FAAH: variants seen among roughly 807,000 people sequenced by gnomAD.
FAAH encodes fatty acid amide hydrolase.
FAAH carries 63 observed loss-of-function variants against 69.7 expected under a neutral mutation model. That is an observed-to-expected ratio of 0.90 (90% CI 0.74 to 1.12). FAAH has a LOEUF of 1.12. Among genes scored for constraint, FAAH ranks in the 50% most tolerant of loss-of-function variants. The probability of loss-of-function intolerance (pLI) is 0.00; values close to 1 mark genes in which losing one functional copy is unlikely to be tolerated. For synonymous variants in FAAH, 305 were observed against 324.2 expected (o/e 0.94, Z 0.64); for missense variants, 680 against 755.0 (o/e 0.90, Z 1.16).
chr1:46,408,518 G>A lies in FAAH; in HGVS notation c.1011G>A (p.Met337Ile). 1.2e-6 allele frequency: 2 copies of A among 1,614,106 alleles called. No homozygotes were observed. The highest frequency in any genetic ancestry group is 1.7e-6 in the Non-Finnish European group (2 of 1,179,996). ...ACTATGAGACTGACAACTATACCAT[G>A]CCCTCCCCGGCCATGAGGCGGGCCG... ...VGYYETDNYT[M>I]PSPAMRRAVL... The change falls in exon 8 of 15, where the codon ATG becomes ATA. Residue 337 changes from methionine (M) to isoleucine (I), a missense_variant. Physicochemically the swap from Met to Ile is conservative, Grantham distance 10. Transcript: ENST00000243167.
chr1:46,402,149 A>C lies in FAAH; in HGVS notation c.254A>C (p.Lys85Thr). The part of the protein sequence containing the change: ...LALPLPQLVQ[K>T]LHSRELAPEA... ...CTGCCCCTGCCTCAGCTGGTGCAGAAGTTACACAGTAGAGAGCTGGCCCCT... is the reference window on the plus strand; with the variant it reads ...CTGCCCCTGCCTCAGCTGGTGCAGACGTTACACAGTAGAGAGCTGGCCCCT... Residue 85 changes from lysine (K) to threonine (T), a missense_variant, in exon 2 of 15, where the codon AAG becomes ACG. Coordinates refer to ENST00000243167, the MANE Select transcript of FAAH (RefSeq NM_001441.3). 1 of 1,610,598 alleles carries C rather than the reference A, an allele frequency of 6.2e-7. No individual in the cohort carries two copies. Among genetic ancestry groups the C allele is most frequent in the South Asian group, 1.1e-5 (1 of 90,208 alleles).
At chr1:46,406,753 C>T (rs1664806251) in intron 7 of FAAH, among the ~76,000 whole-genome samples, 1 of 151,650 alleles carries the variant, frequency 6.6e-6, no homozygotes. Flanking sequence ...AGGCGCCCGG[C>T]ACCACGCCCG....
chr1:46,397,239 C>A (rs1664612868), intron 1 of FAAH, among the ~76,000 whole-genome samples: 1 of 152,240 alleles, frequency 6.6e-6, no homozygotes, highest in African/African-American at 2.4e-5. Context: ...TGCAGAACTC[C>A]CCTCCTGGTT....
rs1664902512 is a variant in FAAH at position 46,410,953 on chromosome 1, C to G, written c.1316+99C>G. On this transcript the variant is annotated intron_variant, in intron 11 of 14. Transcript: ENST00000243167. The surrounding 1 kb of genome is among the most constrained non-coding windows in gnomAD (Gnocchi z 4.9). Reference sequence around the variant, plus strand: ...CAGGAAAGGACTTGAGGGAAGTAGCCTCTGAGGCTGGAAGTGGCCCAGGCA... The same window carrying G: ...CAGGAAAGGACTTGAGGGAAGTAGCGTCTGAGGCTGGAAGTGGCCCAGGCA... The G allele has an allele frequency of 6.6e-7, 1 of 1,503,996 alleles. No homozygotes were observed. The highest frequency in any genetic ancestry group is 9.2e-7 in the Non-Finnish European group (1 of 1,082,054). 93.2% of individuals were successfully genotyped at this position (1,503,996 alleles called of 1,614,324 possible). A position where few individuals can be genotyped will look rare whatever the true frequency, so the allele number is the denominator to read the frequency against.
intron 2 of FAAH, 116 bp downstream of exon 2, chr1:46,402,320 A>G: frequency 2.2e-6 from 2 of 913,690 alleles, no homozygotes; most frequent in Non-Finnish European, 3.5e-6. Context: ...GCCTGGAGTT[A>G]GTCCTGCTGG....
chr1:46,411,911 G>A lies in FAAH; in HGVS notation c.1357-232G>A, dbSNP rs1284161099. Among the ~76,000 whole-genome samples the A allele has an allele frequency of 1.3e-5, 2 of 152,250 alleles. No homozygotes were observed. The highest frequency in any genetic ancestry group is 4.8e-5 in the African/African-American group (2 of 41,462). On this transcript the variant is annotated intron_variant, in intron 12 of 14. Coordinates refer to ENST00000243167, the MANE Select transcript of FAAH (RefSeq NM_001441.3). The surrounding 1 kb of genome is among the most constrained non-coding windows in gnomAD (Gnocchi z 4.8). Reference sequence around the variant, plus strand: ...GCCCCTCTGGAGCTGCCTTTGTGTGGCTCCGCCTCAGCGGGAAGAGGTGTA... The same window carrying A: ...GCCCCTCTGGAGCTGCCTTTGTGTGACTCCGCCTCAGCGGGAAGAGGTGTA...
At position 46,413,079 on chromosome 1, in the gene FAAH, C is replaced by T. The variant is rs202069550; in HGVS notation, c.1470C>T (p.Ala490=). Residue 490 remains alanine (A), a synonymous_variant, in exon 14 of 15, where the codon GCC becomes GCT. Coordinates refer to ENST00000243167, the MANE Select transcript of FAAH (RefSeq NM_001441.3). ...DLNAPGRATG[A]VSYTMLYNCL... is the part of the protein sequence containing the mutation. ...GCTGCCTGTAATGTGTTCCAGGGGC[C>T]GTCAGCTACACTATGCTGTACAACT... 1.1e-5 allele frequency: 17 copies of T among 1,613,986 alleles called. No individual in the cohort carries two copies. Among genetic ancestry groups the T allele is most frequent in the Admixed American group, 1.7e-5 (1 of 59,996 alleles).
At chr1:46,398,478 C>T (rs17361950) in intron 1 of FAAH, among the ~76,000 whole-genome samples, 33,024 of 151,824 alleles carry the variant, frequency 0.22, 4,128 homozygotes, top group Non-Finnish European at 0.29. Context: ...GAGAACACAG[C>T]GATTTGTAGT....
At chr1:46,409,242 T>C in intron 9 of FAAH, 44 bp downstream of exon 9, 1 of 1,466,256 alleles carries the variant, frequency 6.8e-7, no homozygotes, top group South Asian at 1.1e-5. Flanking sequence ...ATCAGACAAG[T>C]AGGCAGACCT....
At chr1:46,401,955 C>A in intron 1 of FAAH, 136 bp from the exon 2 acceptor site, 1 of 757,568 alleles carries the variant, frequency 1.3e-6, no homozygotes, top group Non-Finnish European at 2.3e-6. Flanking sequence ...GGAGACAGAG[C>A]TGCATTCTCT....
At position 46,394,540 on chromosome 1, in the gene FAAH, C is replaced by G. The variant is rs1664562342; in HGVS notation, c.192C>G (p.Leu64=). 3 of 1,357,908 alleles carry G rather than the reference C, an allele frequency of 2.2e-6. No homozygotes were observed. The highest frequency in any genetic ancestry group is 2.8e-6 in the Non-Finnish European group (3 of 1,062,430). 84.1% of individuals were successfully genotyped at this position (1,357,908 alleles called of 1,614,324 possible). ...NMDRAAQRFR[L]QNPDLDSEAL... ...ACAGGGCGGCGCAGCGCTTCCGGCT[C>G]CAGGTGACTGCCGGAGCGTAGTGGG... is the stretch of plus-strand genomic sequence containing the variant. Residue 64 remains leucine (L), a synonymous_variant, in exon 1 of 15, where the codon CTC becomes CTG. Transcript: ENST00000243167.
chr1:46,400,748 G>A (rs980158919), intron 1 of FAAH, among the ~76,000 whole-genome samples: 1 of 134,434 alleles, frequency 7.4e-6, no homozygotes, highest in African/African-American at 2.9e-5. Context: ...TAGGGGATCT[G>A]GGGGATGTGG....
At chr1:46,397,247 G>T (rs964557382) in intron 1 of FAAH, among the ~76,000 whole-genome samples, 21 of 152,346 alleles carry the variant, frequency 1.4e-4, no homozygotes, top group African/African-American at 4.6e-4. Flanking sequence ...TCCCCTCCTG[G>T]TTGCAAGGAA....
At chr1:46,412,018 T>C in intron 12 of FAAH, 125 bp from the exon 13 acceptor site, 1 of 830,614 alleles carries the variant, frequency 1.2e-6, no homozygotes, top group Admixed American at 2.0e-5. Context: ...TGTCCCACTG[T>C]GGCTCTGTTC....
At position 46,405,952 on chromosome 1, in the gene FAAH, G is replaced by T; in HGVS notation, c.786-86G>T. Reference sequence around the variant, plus strand: ...GGGCGTGGGTCCTAGTTTCCAAAGCGGTGAGTGTTCAGAGCTGCTCTGTGG... The same window carrying T: ...GGGCGTGGGTCCTAGTTTCCAAAGCTGTGAGTGTTCAGAGCTGCTCTGTGG... On this transcript the variant is annotated intron_variant, in intron 5 of 14. Transcript: ENST00000243167. The surrounding 1 kb of genome is among the most constrained non-coding windows in gnomAD (Gnocchi z 4.1). The T allele has an allele frequency of 6.2e-7, 1 of 1,613,034 alleles. No homozygotes were observed. Among genetic ancestry groups the T allele is most frequent in the Non-Finnish European group, 8.5e-7 (1 of 1,179,876 alleles).
Position 46,404,944 on chromosome 1 carries a change from T to C in FAAH, c.310-70T>C, listed in dbSNP as rs968548286. ...ACTTTAAAAGGCCAGTTCTACATGATGTATATTTCACCACAATTTCTTAAA... is the reference window on the plus strand; with the variant it reads ...ACTTTAAAAGGCCAGTTCTACATGACGTATATTTCACCACAATTTCTTAAA... On this transcript the variant is annotated intron_variant, in intron 2 of 14. Transcript: ENST00000243167. This position sits in a 1 kb window ranked among gnomAD's most constrained non-coding sequence, Gnocchi z 4.5. 1.2e-5 allele frequency: 20 copies of C among 1,605,936 alleles called. No individual in the cohort carries two copies. Among genetic ancestry groups the C allele is most frequent in the Non-Finnish European group, 1.6e-5 (19 of 1,174,200 alleles).
At chr1:46,412,040 C>A in intron 12 of FAAH, 103 bp from the exon 13 acceptor site, 1 of 969,418 alleles carries the variant, frequency 1.0e-6, no homozygotes, top group Non-Finnish European at 1.6e-6. Context: ...GATCCAGGGG[C>A]AGGTGCTGGG....
Position 46,413,210 on chromosome 1 carries a change from T to C in FAAH, c.1601T>C (p.Met534Thr), listed in dbSNP as rs1664948254. ...RGYFGDIWDK[M>T]LQKGMKKSVG... Reference sequence around the variant, plus strand: ...TACTTTGGGGATATCTGGGACAAGATGCTGCAGAAGGTGAGGACTGACCTG... The same window carrying C: ...TACTTTGGGGATATCTGGGACAAGACGCTGCAGAAGGTGAGGACTGACCTG... Residue 534 changes from methionine to threonine, a missense_variant, in exon 14 of 15, where the codon ATG becomes ACG. Transcript: ENST00000243167. The C allele has an allele frequency of 2.5e-6, 4 of 1,614,038 alleles. No homozygotes were observed. In the African/African-American group the frequency reaches 5.3e-5, roughly 22 times the overall value.
chr1:46,406,125 C>T (rs1250541579), intron 6 of FAAH, 47 bp downstream of exon 6: 2 of 1,613,678 alleles, frequency 1.2e-6, no homozygotes, highest in Non-Finnish European at 1.7e-6. Flanking sequence ...TGGGGGTCGG[C>T]CTGACCCGCT....
Sources: allele counts gnomAD v4.1 joint callset (sites outside exome capture counted in the v4.1 genomes callset), GRCh38; gene constraint gnomAD v4.1.1; non-coding constraint Gnocchi (gnomAD v3.1); transcripts MANE v1.5; gene names NCBI Gene and HGNC (gene_info 2026-07-23, HGNC 2026-07-21).